Variants in TENM3 observed in about 807,000 individuals in gnomAD.
TENM3 encodes teneurin-3.
Under a neutral mutation model 255.1 loss-of-function variants are expected in TENM3, and 63 were observed. The ratio of observed to expected loss-of-function variants is 0.25; its 90% CI spans 0.20 to 0.30. The LOEUF is 0.30. Among genes scored for constraint, TENM3 ranks in the 10% least tolerant of loss-of-function variants. TENM3 has a pLI of 1.00. For missense variants in TENM3, 2,929 were observed against 3,461.1 expected (o/e 0.85, Z 3.86); for synonymous variants, 1,306 against 1,322.3 (o/e 0.99, Z 0.27).
the TENM3 span, among the ~76,000 whole-genome samples, chr4:181,824,180 C>T: frequency 6.6e-6 from 1 of 152,080 alleles, no homozygotes; most frequent in African/African-American, 2.4e-5. Flanking sequence ...CAACTCACTG[C>T]AGCCTCCACC....
chr4:181,724,673 C>A, the TENM3 span, among the ~76,000 whole-genome samples: 1 of 152,132 alleles, frequency 6.6e-6, no homozygotes, highest in African/African-American at 2.4e-5. Context: ...ACACTAAAAG[C>A]TTTGTTAGAC....
chr4:181,924,143 T>C, the TENM3 span, among the ~76,000 whole-genome samples: 1 of 152,144 alleles, frequency 6.6e-6, no homozygotes, highest in East Asian at 1.9e-4. Flanking sequence ...GAGCTTGTTT[T>C]CTTACTGCTT....
Position 182,437,796 on chromosome 4 carries a change from TA to T in TENM3, c.511+90882del, listed in dbSNP as rs35043762. 8.0e-3 allele frequency among the ~76,000 whole-genome samples: 1,101 copies of T among 138,404 alleles called. 10 individuals carry two copies. The highest frequency in any genetic ancestry group is 9.8e-3 in the Non-Finnish European group (631 of 64,394). 90.8% of individuals were successfully genotyped at this position (138,404 alleles called of 152,430 possible). A position where few individuals can be genotyped will look rare whatever the true frequency, so the allele number is the denominator to read the frequency against. ...CTGGATGACAGAGCGAGACTCCGTC[TA>T]AAAAAAAAAAAAAATATCTGGGCGG... On this transcript the variant is annotated intron_variant, in intron 3 of 27. Coordinates refer to ENST00000511685, the MANE Select transcript of TENM3 (RefSeq NM_001080477.4).
At chr4:182,075,415 G>C in the TENM3 span, among the ~76,000 whole-genome samples, 1 of 151,930 alleles carries the variant, frequency 6.6e-6, no homozygotes, top group Non-Finnish European at 1.5e-5. Context: ...GGCCAGGATG[G>C]TCTCGATCTC....
chr4:181,584,709 T>A, the TENM3 span, among the ~76,000 whole-genome samples: 1 of 152,166 alleles, frequency 6.6e-6, no homozygotes, highest in Non-Finnish European at 1.5e-5. Context: ...ACAATTTTCA[T>A]CCTATAGGTT....
intron 3 of TENM3, among the ~76,000 whole-genome samples, chr4:182,397,477 A>G (rs1306645811): frequency 6.6e-6 from 1 of 150,444 alleles, no homozygotes; most frequent in East Asian, 2.0e-4. Context: ...ATGAATGGAG[A>G]GTCTAGGAGG....
At chr4:182,048,169 T>A in the TENM3 span, among the ~76,000 whole-genome samples, 4 of 152,176 alleles carry the variant, frequency 2.6e-5, no homozygotes, top group Non-Finnish European at 5.9e-5. Context: ...AGTTCCTTAT[T>A]GTACAAATTT....
At chr4:181,839,384 T>TATATATATATACAC in the TENM3 span, among the ~76,000 whole-genome samples, 55 of 83,456 alleles carry the variant, frequency 6.6e-4, 1 homozygote, top group Admixed American at 1.3e-3. Context: ...TATATATATA[T>TATATATATATACAC]ACACCTATAT....
At chr4:182,337,657 A>G (rs1398880567) in intron 2 of TENM3, among the ~76,000 whole-genome samples, 2 of 152,226 alleles carry the variant, frequency 1.3e-5, no homozygotes, top group Non-Finnish European at 2.9e-5. Flanking sequence ...CTCCCACTGG[A>G]CCCAGCAATT....
chr4:181,728,422 T>C, the TENM3 span, among the ~76,000 whole-genome samples: 2 of 152,212 alleles, frequency 1.3e-5, no homozygotes, highest in Non-Finnish European at 2.9e-5. Flanking sequence ...TTCTTGATTA[T>C]ATGCTAAACA....
chr4:182,012,274 G>C, the TENM3 span, among the ~76,000 whole-genome samples: 1 of 152,190 alleles, frequency 6.6e-6, no homozygotes, highest in Non-Finnish European at 1.5e-5. Context: ...AGAACTCACA[G>C]AATATTGCCT....
At chr4:182,574,490 A>G (rs1378866640) in intron 3 of TENM3, among the ~76,000 whole-genome samples, 1 of 152,100 alleles carries the variant, frequency 6.6e-6, no homozygotes, top group African/African-American at 2.4e-5. Flanking sequence ...AAGCAAATGA[A>G]TTCTCCTGAG....
At position 182,799,905 on chromosome 4, in the gene TENM3, A is replaced by C; in HGVS notation, c.7654A>C (p.Thr2552Pro). 4 of 1,607,920 alleles carry C rather than the reference A, an allele frequency of 2.5e-6. No individual in the cohort carries two copies. The highest frequency in any genetic ancestry group is 3.4e-6 in the Non-Finnish European group (4 of 1,177,430). The change falls in exon 28 of 28, where the codon ACC (threonine) becomes CCC (proline). Residue 2552 changes from threonine to proline, a missense_variant. Physicochemically the swap from Thr to Pro is conservative, Grantham distance 38. Around this residue, in one of 6 missense-constraint regions of TENM3, gnomAD observed 476 missense variants for 480.1 expected, o/e 0.99. Transcript: ENST00000511685. The surrounding 1 kb of genome is among the most constrained non-coding windows in gnomAD (Gnocchi z 4.2). ...CAAGGACACGCACTACTTCATCAAG[A>C]CCACCACGCCCGAGAGCGACCTGGG... The part of the protein sequence containing the change: ...EGKDTHYFIK[T>P]TTPESDLGTL...
chr4:181,814,749 T>G, the TENM3 span, among the ~76,000 whole-genome samples: 2 of 152,118 alleles, frequency 1.3e-5, no homozygotes, highest in African/African-American at 2.4e-5. Context: ...AGAGGTGACC[T>G]TCCCAAAACA....
At chr4:181,545,873 A>G in the TENM3 span, among the ~76,000 whole-genome samples, 1 of 151,924 alleles carries the variant, frequency 6.6e-6, no homozygotes, top group Non-Finnish European at 1.5e-5. Context: ...TTTTCATGCT[A>G]TTTTTCACGT....
At chr4:181,942,645 G>C in the TENM3 span, among the ~76,000 whole-genome samples, 1 of 152,016 alleles carries the variant, frequency 6.6e-6, no homozygotes, top group African/African-American at 2.4e-5. Context: ...GGAGCTCAAA[G>C]GAAAAACACT....
At chr4:182,340,579 G>C (rs1035159709) in intron 2 of TENM3, among the ~76,000 whole-genome samples, 4 of 152,036 alleles carry the variant, frequency 2.6e-5, no homozygotes, top group Non-Finnish European at 4.4e-5. Flanking sequence ...TTCAAGAATG[G>C]GTATTTTGTT....
rs370290379 is a variant in TENM3 at position 182,799,959 on chromosome 4, G to A, written c.7708G>A (p.Ala2570Thr). ...GCTGCGGTTGACCAGCGGCCGCAAG[G>A]CGCTGGAGAACGGCATCAACGTGAC... ...GTLRLTSGRK[A>T]LENGINVTVS... is the part of the protein sequence containing the mutation. Residue 2570 changes from alanine to threonine, a missense_variant, in exon 28 of 28, where the codon GCG becomes ACG. This residue lies in a region of TENM3 where 476 missense variants were observed against 480.1 expected (regional missense o/e 0.99). Transcript: ENST00000511685. This position sits in a 1 kb window ranked among gnomAD's most constrained non-coding sequence, Gnocchi z 4.2. 7 of 1,592,802 alleles carry A rather than the reference G, an allele frequency of 4.4e-6. No homozygotes were observed. In the African/African-American group the frequency reaches 5.4e-5, roughly 12 times the overall value.
At chr4:181,820,241 T>C in the TENM3 span, 1 of 152,240 alleles carries the variant, frequency 6.6e-6, no homozygotes, top group East Asian at 1.9e-4. Flanking sequence ...TAGGGCAAAG[T>C]CTCCTCCGCT....
Sources: allele counts gnomAD v4.1 joint callset (sites outside exome capture counted in the v4.1 genomes callset), GRCh38; gene constraint gnomAD v4.1.1; regional missense constraint gnomAD v4.1.1; non-coding constraint Gnocchi (gnomAD v3.1); transcripts MANE v1.5; gene names NCBI Gene and HGNC (gene_info 2026-07-23, HGNC 2026-07-21).